The following CDH12 variants were observed in gnomAD, a reference collection of about 807,000 sequenced individuals.
CDH12 encodes the protein cadherin 12.
A neutral mutation model predicts 74.1 loss-of-function variants in CDH12; 41 were observed. The observed-to-expected ratio is 0.55, with a 90% CI of 0.43 to 0.72. The LOEUF (loss-of-function observed/expected upper bound fraction) is 0.72. Among genes scored for constraint, CDH12 ranks in the 30% least tolerant of loss-of-function variants. CDH12 has a pLI of 0.00. For missense variants in CDH12, 945 were observed against 977.2 expected (o/e 0.97, Z 0.44); for synonymous variants, 399 against 355.0 (o/e 1.12, Z -1.39).
At chr5:22,770,476 A>T (rs1275686265) in intron 1 of CDH12, among the ~76,000 whole-genome samples, 3 of 152,154 alleles carry the variant, frequency 2.0e-5, no homozygotes, top group Non-Finnish European at 4.4e-5. Flanking sequence ...AAATTCAAAT[A>T]AAGTAGACCA....
At chr5:22,314,293 C>A (rs1255232361) in intron 3 of CDH12, among the ~76,000 whole-genome samples, 1 of 152,102 alleles carries the variant, frequency 6.6e-6, no homozygotes, top group African/African-American at 2.4e-5. Context: ...GTCTCAACCA[C>A]CAGTACCTCA....
intron 10 of CDH12, among the ~76,000 whole-genome samples, chr5:21,798,085 C>A (rs886648653): frequency 6.6e-6 from 1 of 151,924 alleles, no homozygotes; most frequent in Non-Finnish European, 1.5e-5. Flanking sequence ...TAAAAAAGAC[C>A]TGTAAATCTA....
At chr5:22,557,248 G>A (rs2126742929) in intron 1 of CDH12, among the ~76,000 whole-genome samples, 1 of 152,198 alleles carries the variant, frequency 6.6e-6, no homozygotes, top group South Asian at 2.1e-4. Flanking sequence ...AAAACCAGGA[G>A]TAGGTGATTT....
chr5:22,145,567 A>G (rs556024763), intron 4 of CDH12, among the ~76,000 whole-genome samples: 1 of 152,222 alleles, frequency 6.6e-6, no homozygotes, highest in South Asian at 2.1e-4. Context: ...TCTTCCAAAG[A>G]ATAAACACAC....
intron 2 of CDH12, among the ~76,000 whole-genome samples, chr5:22,501,311 C>T (rs1747322647): frequency 1.3e-5 from 2 of 152,060 alleles, no homozygotes; most frequent in Admixed American, 1.3e-4. Context: ...TAGAAAATTA[C>T]ATAAAGGATA....
intron 2 of CDH12, among the ~76,000 whole-genome samples, chr5:22,463,558 CAAAT>C (rs1432995150): frequency 1.3e-5 from 2 of 151,928 alleles, no homozygotes; most frequent in Non-Finnish European, 2.9e-5. Context: ...AATAAATTAA[CAAAT>C]AAAAGAGTAA....
intron 5 of CDH12, among the ~76,000 whole-genome samples, chr5:22,034,500 GAGACATATGCCTTGCAGCGA>G (rs1467709046): frequency 6.6e-6 from 1 of 152,088 alleles, no homozygotes; most frequent in Non-Finnish European, 1.5e-5. Context: ...AGGAACTGTG[GAGACATATGCCTTGCAGCGA>G]AGATCCCACG....
chr5:22,015,809 A>C (rs1737567355), intron 5 of CDH12, among the ~76,000 whole-genome samples: 1 of 152,220 alleles, frequency 6.6e-6, no homozygotes, highest in Admixed American at 6.5e-5. Context: ...TCTGGCTTAA[A>C]ATATCATATT....
chr5:22,554,890 G>A (rs759147821), intron 1 of CDH12, among the ~76,000 whole-genome samples: 5 of 152,088 alleles, frequency 3.3e-5, no homozygotes, highest in East Asian at 1.9e-4. Flanking sequence ...TGTGATCCAC[G>A]TATTTGTTAC....
At chr5:21,934,074 A>G (rs1417236182) in intron 6 of CDH12, among the ~76,000 whole-genome samples, 1 of 152,050 alleles carries the variant, frequency 6.6e-6, no homozygotes. Flanking sequence ...CTCAAATTCA[A>G]TTTTTACAGA....
At chr5:22,011,453 T>C (rs1737286960) in intron 5 of CDH12, among the ~76,000 whole-genome samples, 1 of 152,216 alleles carries the variant, frequency 6.6e-6, no homozygotes, top group African/African-American at 2.4e-5. Context: ...CTAAAAGGAA[T>C]AGTTTTGCCT....
chr5:22,040,988 C>A (rs560985832), intron 5 of CDH12, among the ~76,000 whole-genome samples: 15 of 151,896 alleles, frequency 9.9e-5, no homozygotes, highest in African/African-American at 3.6e-4. Context: ...TCAGAACAGT[C>A]AAAAATAGCA....
chr5:21,928,625 A>G (rs1754698762), intron 6 of CDH12, among the ~76,000 whole-genome samples: 1 of 152,180 alleles, frequency 6.6e-6, no homozygotes, highest in South Asian at 2.1e-4. Context: ...TTTTTTAAGT[A>G]TGCTCGTGTC....
chr5:22,545,205 A>G (rs1738262380), intron 1 of CDH12, among the ~76,000 whole-genome samples: 1 of 152,184 alleles, frequency 6.6e-6, no homozygotes, highest in Non-Finnish European at 1.5e-5. Flanking sequence ...GGACTTTGAG[A>G]GGCCATCTCC....
chr5:22,724,371 ATTCCTCATCACTT>A lies in CDH12; in HGVS notation c.-523+128674_-523+128686del, dbSNP rs375843673. On this transcript the variant is annotated intron_variant, in intron 1 of 14. Transcript: ENST00000382254. ...CACTGTATGCAGTATGTAGTCATTTATTCCTCATCACTTTTCCAACCTTTCCCCCGAGTCTCCA... is the reference window on the plus strand; with the variant it reads ...CACTGTATGCAGTATGTAGTCATTTATTCCAACCTTTCCCCCGAGTCTCCA... 6.9e-3 allele frequency among the ~76,000 whole-genome samples: 1,043 copies of A among 151,882 alleles called. 14 individuals are homozygous for A. The highest frequency in any genetic ancestry group is 0.024 in the African/African-American group (994 of 41,482).
chr5:22,575,653 C>T (rs1232881352), intron 1 of CDH12, among the ~76,000 whole-genome samples: 3 of 152,070 alleles, frequency 2.0e-5, no homozygotes, highest in African/African-American at 7.2e-5. Context: ...CAACGTCTGC[C>T]TCCTGGGTTC....
intron 1 of CDH12, 99 bp from the exon 2 acceptor site, chr5:22,505,463 G>A (rs902461491): frequency 1.9e-5 from 5 of 259,322 alleles, no homozygotes; most frequent in Non-Finnish European, 3.0e-5. Flanking sequence ...TGCAAAGATG[G>A]TATAGAGAGT....
intron 6 of CDH12, among the ~76,000 whole-genome samples, chr5:21,879,230 A>C (rs973176823): frequency 6.6e-6 from 1 of 151,476 alleles, no homozygotes; most frequent in African/African-American, 2.5e-5. Context: ...TTCAAAGCCC[A>C]CTGAAAACAA....
chr5:22,435,260 TTCCTGCCCTCGAACA>T (rs1744330952), intron 2 of CDH12, among the ~76,000 whole-genome samples: 1 of 152,104 alleles, frequency 6.6e-6, no homozygotes, highest in Admixed American at 6.6e-5. Context: ...TACTGGATGC[TTCCTGCCCTCGAACA>T]TCGGACTCCA....
Sources: gnomAD v4.1 joint callset for allele counts (sites outside exome capture counted in the v4.1 genomes callset) on GRCh38, gnomAD v4.1.1 for gene constraint, MANE v1.5 for transcripts, NCBI Gene and HGNC (gene_info 2026-07-23, HGNC 2026-07-21) for gene names.